FBXW10B: variants seen among roughly 807,000 people sequenced by gnomAD.
FBXW10B encodes the protein F-box and WD repeat domain containing 10B.
chr17:15,592,557 T>TC, the FBXW10B span, among the ~76,000 whole-genome samples: 1 of 152,114 alleles, frequency 6.6e-6, no homozygotes, highest in Non-Finnish European at 1.5e-5. Flanking sequence ...TACAATGCAG[T>TC]CAGTCATGGT....
chr17:15,570,495 T>TG, the FBXW10B span, among the ~76,000 whole-genome samples: 1 of 152,132 alleles, frequency 6.6e-6, no homozygotes. Flanking sequence ...GAAGTAAAAC[T>TG]GGGAAGAGGT....
At chr17:15,565,563 G>A in the FBXW10B span, 11 of 1,613,546 alleles carry the variant, frequency 6.8e-6, no homozygotes, top group African/African-American at 1.5e-4. Context: ...CAAGTTCAGG[G>A]GCCGCTGTTT....
the FBXW10B span, among the ~76,000 whole-genome samples, chr17:15,613,108 GGAA>G: frequency 9.2e-4 from 139 of 150,928 alleles, 1 homozygote; most frequent in African/African-American, 3.2e-3. Context: ...TCTCTGCTGG[GGAA>G]AAAAAAAAAA....
chr17:15,604,250 T>C, the FBXW10B span, among the ~76,000 whole-genome samples: 6 of 152,142 alleles, frequency 3.9e-5, no homozygotes, highest in African/African-American at 1.4e-4. Context: ...CATGTAAGAA[T>C]GAGGTACCAA....
chr17:15,615,535 G>A, the FBXW10B span: 2 of 1,510,362 alleles, frequency 1.3e-6, no homozygotes, highest in East Asian at 2.4e-5. Flanking sequence ...GGATGGTCTC[G>A]ATCTCCTGAC....
At chr17:15,612,125 G>A in the FBXW10B span, among the ~76,000 whole-genome samples, 1 of 152,114 alleles carries the variant, frequency 6.6e-6, no homozygotes, top group East Asian at 1.9e-4. Context: ...CACAAAACAC[G>A]GCCAGGGGCT....
chr17:15,610,410 C>T, the FBXW10B span, among the ~76,000 whole-genome samples: 1 of 152,164 alleles, frequency 6.6e-6, no homozygotes, highest in Non-Finnish European at 1.5e-5. Flanking sequence ...TGTCCCCATA[C>T]ATCTTTCTGC....
At chr17:15,610,880 C>T in the FBXW10B span, among the ~76,000 whole-genome samples, 6 of 152,152 alleles carry the variant, frequency 3.9e-5, no homozygotes, top group Admixed American at 6.5e-5. Flanking sequence ...AGCAGGTCCA[C>T]GTTCAAATGA....
the FBXW10B span, chr17:15,598,363 T>G: frequency 1.4e-6 from 1 of 727,720 alleles, no homozygotes; most frequent in African/African-American, 2.2e-5. Context: ...ATGGATGGAT[T>G]GATTGATAGA....
chr17:15,619,465 A>C, the FBXW10B span: 1 of 1,613,916 alleles, frequency 6.2e-7, no homozygotes, highest in Non-Finnish European at 8.5e-7. Flanking sequence ...TTCCCTTCTC[A>C]CAACGAAAAT....
the FBXW10B span, among the ~76,000 whole-genome samples, chr17:15,579,956 AT>A: frequency 6.6e-6 from 1 of 151,218 alleles, no homozygotes; most frequent in Non-Finnish European, 1.5e-5. Context: ...GTGTGGACCA[AT>A]TTTTCCCCAC....
At chr17:15,614,405 A>C in the FBXW10B span, among the ~76,000 whole-genome samples, 255 of 151,800 alleles carry the variant, frequency 1.7e-3, 1 homozygote, top group Non-Finnish European at 2.2e-3. Context: ...CGTGTTAGCC[A>C]GGATGGTCTC....
chr17:15,573,923 A>G, the FBXW10B span: 1 of 463,520 alleles, frequency 2.2e-6, no homozygotes, highest in Non-Finnish European at 3.8e-6. Flanking sequence ...AATCAATGCA[A>G]TGACATTGTC....
chr17:15,608,404 C>T, the FBXW10B span, among the ~76,000 whole-genome samples: 1 of 151,490 alleles, frequency 6.6e-6, no homozygotes, highest in African/African-American at 2.4e-5. Flanking sequence ...TTGTGATCTG[C>T]CTGCCTCGGC....
At chr17:15,594,947 A>C in the FBXW10B span, 7 of 1,605,060 alleles carry the variant, frequency 4.4e-6, no homozygotes, top group East Asian at 1.6e-4. Context: ...CAAGAACCAA[A>C]GCTGAGCCTT....
chr17:15,600,071 C>A, the FBXW10B span, among the ~76,000 whole-genome samples: 3 of 151,696 alleles, frequency 2.0e-5, no homozygotes, highest in African/African-American at 7.3e-5. Flanking sequence ...AAAACATTAG[C>A]CGGGCGTGGT....
chr17:15,590,056 T>C, the FBXW10B span, among the ~76,000 whole-genome samples: 1 of 151,848 alleles, frequency 6.6e-6, no homozygotes, highest in Non-Finnish European at 1.5e-5. Flanking sequence ...AAAGCGGTGG[T>C]GAGCAAGGAA....
chr17:15,599,037 T>C, the FBXW10B span, among the ~76,000 whole-genome samples: 1 of 152,060 alleles, frequency 6.6e-6, no homozygotes, highest in African/African-American at 2.4e-5. Flanking sequence ...TAGCCAGGCA[T>C]GGTGGCGTGC....
chr17:15,613,260 C>T, the FBXW10B span, among the ~76,000 whole-genome samples: 2 of 150,726 alleles, frequency 1.3e-5, no homozygotes, highest in Non-Finnish European at 2.9e-5. Context: ...AACATCTGTG[C>T]TCCATATGAG....
Sources: gnomAD v4.1 joint callset for allele counts (sites outside exome capture counted in the v4.1 genomes callset) on GRCh38, gnomAD v4.1.1 for gene constraint, MANE v1.5 for transcripts, NCBI Gene and HGNC (gene_info 2026-07-23, HGNC 2026-07-21) for gene names.